HSF5: variants seen among roughly 807,000 people sequenced by gnomAD.
HSF5 encodes the protein heat shock factor protein 5.
Under a neutral mutation model 50.8 loss-of-function variants are expected in HSF5, and 5 were observed. The ratio of observed to expected loss-of-function variants is 0.10; its 90% CI spans 0.05 to 0.21. HSF5 has a LOEUF of 0.21. HSF5 is among the 10% of genes least tolerant of loss of function. The pLI is 1.00. For missense variants in HSF5, 564 were observed against 762.6 expected (o/e 0.74, Z 3.07); for synonymous variants, 307 against 307.4 (o/e 1.00, Z 0.02).
chr17:58,461,897 A>AT (rs891416782), intron 4 of HSF5, among the ~76,000 whole-genome samples: 2 of 152,002 alleles, frequency 1.3e-5, no homozygotes, highest in African/African-American at 4.8e-5. Context: ...TTTAATTTGG[A>AT]TTTTTTTGGT....
At chr17:58,483,049 C>G (rs1282446245) in intron 1 of HSF5, among the ~76,000 whole-genome samples, 14 of 151,848 alleles carry the variant, frequency 9.2e-5, no homozygotes, top group Admixed American at 9.2e-4. Context: ...TTTTTTCTCT[C>G]TCTTCACAAG....
rs189499350 is a variant in HSF5 at position 58,484,176 on chromosome 17, C to G, written c.550+3549G>C. Among the ~76,000 whole-genome samples the G allele has an allele frequency of 8.0e-5, 12 of 150,582 alleles. No homozygotes were observed. The East Asian group carries it at 1.2e-3, about 15-fold the overall frequency. On this transcript the variant is annotated intron_variant, in intron 1 of 5. Coordinates refer to ENST00000323777, the MANE Select transcript of HSF5 (RefSeq NM_001080439.3). ...AGACAGTCCACACCTGACATACCTT[C>G]TGCACATACCAACAGGTAGAATGGT...
chr17:58,445,389 G>A (rs1333310008), intron 5 of HSF5, among the ~76,000 whole-genome samples: 1 of 152,136 alleles, frequency 6.6e-6, no homozygotes, highest in Non-Finnish European at 1.5e-5. Context: ...AGTCTAGCCT[G>A]AGCAACATTG....
Position 58,429,461 on chromosome 17 carries a change from C to T in HSF5, c.1721-7031G>A, listed in dbSNP as rs552915272. 2.0e-5 allele frequency among the ~76,000 whole-genome samples: 3 copies of T among 152,040 alleles called. No homozygotes were observed. The South Asian group carries it at 6.2e-4, about 32-fold the overall frequency. On this transcript the variant is annotated intron_variant, in intron 5 of 5. Coordinates refer to ENST00000323777, the MANE Select transcript of HSF5 (RefSeq NM_001080439.3). ...AGGCAGGAGGATTGCTTGAGCCCAG[C>T]AGGCAGAGGTTGCAGTGAGCCAAGA...
chr17:58,451,480 C>T (rs1430026260), intron 5 of HSF5, among the ~76,000 whole-genome samples: 4 of 152,204 alleles, frequency 2.6e-5, no homozygotes, highest in African/African-American at 4.8e-5. Context: ...ACTGAAATTA[C>T]GTCAAATATC....
intron 1 of HSF5, 45 bp downstream of exon 1, chr17:58,487,680 C>T (rs1975206169): frequency 1.5e-6 from 2 of 1,360,506 alleles, no homozygotes; most frequent in Non-Finnish European, 9.4e-7. Context: ...CTCCCCGCCG[C>T]CCATGTGCCC....
At chr17:58,429,237 C>G (rs984061782) in intron 5 of HSF5, among the ~76,000 whole-genome samples, 1 of 152,178 alleles carries the variant, frequency 6.6e-6, no homozygotes, top group African/African-American at 2.4e-5. Context: ...TTGCCAGGGG[C>G]TGGGGAAAGG....
In HSF5 at chr17:58,448,181, G is replaced by A. The variant is rs189768763; in HGVS notation, c.1720+10587C>T. Among the ~76,000 whole-genome samples, 363 of 147,292 alleles carry A rather than the reference G, an allele frequency of 2.5e-3. 2 individuals carry two copies. The highest frequency in any genetic ancestry group is 3.4e-3 in the Non-Finnish European group (230 of 66,698). On this transcript the variant is annotated intron_variant, in intron 5 of 5. Coordinates refer to ENST00000323777, the MANE Select transcript of HSF5 (RefSeq NM_001080439.3). ...GTAGAAAGAAAGAAAAAGAAAAAAG[G>A]AAATAGTCAGAGGAGAAAAAAAGAA... is the stretch of plus-strand genomic sequence containing the variant.
intron 2 of HSF5, among the ~76,000 whole-genome samples, chr17:58,468,038 G>C (rs934641708): frequency 2.6e-5 from 4 of 152,130 alleles, no homozygotes; most frequent in African/African-American, 7.2e-5. Context: ...TAAGTAATTT[G>C]CCAAAAGTCA....
intron 5 of HSF5, among the ~76,000 whole-genome samples, chr17:58,450,019 T>A (rs1974613224): frequency 1.2e-5 from 1 of 83,926 alleles, no homozygotes; most frequent in Non-Finnish European, 2.3e-5. Flanking sequence ...CGAGACTCCG[T>A]CTCAAAAAAA....
At chr17:58,449,750 G>A (rs1242195150) in intron 5 of HSF5, among the ~76,000 whole-genome samples, 5 of 149,842 alleles carry the variant, frequency 3.3e-5, no homozygotes, top group East Asian at 4.0e-4. Context: ...GCGGCCGGGC[G>A]CGGTGGCTCA....
chr17:58,467,038 A>T, intron 2 of HSF5, 59 bp from the exon 3 acceptor site: 1 of 1,085,580 alleles, frequency 9.2e-7, no homozygotes, highest in Non-Finnish European at 1.4e-6. Flanking sequence ...ATAGCATTCA[A>T]GGAGCTCCCC....
At chr17:58,434,420 G>A (rs184091693) in intron 5 of HSF5, among the ~76,000 whole-genome samples, 26 of 152,030 alleles carry the variant, frequency 1.7e-4, no homozygotes, top group African/African-American at 4.1e-4. Flanking sequence ...GTGGCAGCGC[G>A]TGCCTGTAAT....
intron 2 of HSF5, among the ~76,000 whole-genome samples, chr17:58,477,116 CTTTTTTTTTT>C (rs34246837): frequency 8.2e-5 from 11 of 133,764 alleles, no homozygotes; most frequent in Non-Finnish European, 1.6e-4. Flanking sequence ...TATATATATA[CTTTTTTTTTT>C]TTTTTTTTTT....
intron 5 of HSF5, among the ~76,000 whole-genome samples, chr17:58,450,464 G>C (rs540729258): frequency 2.6e-5 from 4 of 151,618 alleles, no homozygotes; most frequent in Non-Finnish European, 5.9e-5. Flanking sequence ...AGATAAAATG[G>C]ACTTTAAGGC....
intron 1 of HSF5, among the ~76,000 whole-genome samples, chr17:58,485,592 C>CA (rs1383716302): frequency 6.6e-6 from 1 of 150,916 alleles, no homozygotes; most frequent in Non-Finnish European, 1.5e-5. Flanking sequence ...ACCAAAAATA[C>CA]AAAAAATTAG....
At chr17:58,457,468 A>G (rs979551414) in intron 5 of HSF5, among the ~76,000 whole-genome samples, 3 of 151,094 alleles carry the variant, frequency 2.0e-5, no homozygotes, top group African/African-American at 7.3e-5. Flanking sequence ...GTGTGGTGCC[A>G]CGCACCTGTA....
chr17:58,479,837 A>G, intron 2 of HSF5, 56 bp downstream of exon 2: 1 of 1,435,704 alleles, frequency 7.0e-7, no homozygotes, highest in Non-Finnish European at 9.4e-7. Flanking sequence ...AAATATATAT[A>G]TATGCTCATT....
intron 5 of HSF5, among the ~76,000 whole-genome samples, chr17:58,456,114 G>A (rs1281275439): frequency 6.9e-6 from 1 of 145,362 alleles, no homozygotes; most frequent in African/African-American, 2.5e-5. Context: ...AAGAAAATGT[G>A]ATATATATAT....
Sources: gnomAD v4.1 joint callset for allele counts (sites outside exome capture counted in the v4.1 genomes callset) on GRCh38, gnomAD v4.1.1 for gene constraint, MANE v1.5 for transcripts, NCBI Gene and HGNC (gene_info 2026-07-23, HGNC 2026-07-21) for gene names.